The following RGS12 variants were observed in gnomAD, a reference collection of about 807,000 sequenced individuals.
RGS12 encodes regulator of G-protein signaling 12.
RGS12 carries 66 observed loss-of-function variants against 120.1 expected under a neutral mutation model. The observed-to-expected ratio is 0.55, with a 90% confidence interval of 0.45 to 0.67. RGS12 has a LOEUF of 0.67. Among genes scored for constraint, RGS12 ranks in the 30% least tolerant of loss-of-function variants. The pLI, the probability that RGS12 is intolerant of heterozygous loss-of-function variation, is 0.00. For missense variants in RGS12, 1,859 were observed against 1,957.7 expected, an observed-to-expected ratio of 0.95 and a Z score of 0.95; for synonymous variants, 827 against 804.7, an observed-to-expected ratio of 1.03 and a Z score of -0.47.
intron 3 of RGS12, among the ~76,000 whole-genome samples, chr4:3,375,886 A>G (rs1048570925): frequency 5.9e-5 from 9 of 152,220 alleles, no homozygotes; most frequent in African/African-American, 2.2e-4. Flanking sequence ...TGGCACTGAC[A>G]CATTGGAAAC....
At chr4:3,437,868 A>G (rs1276218713) in intron 17 of RGS12, among the ~76,000 whole-genome samples, 2 of 152,156 alleles carry the variant, frequency 1.3e-5, no homozygotes, top group Non-Finnish European at 2.9e-5. Context: ...GAGGGGAGTC[A>G]CACCTTCCGC....
intron 3 of RGS12, chr4:3,385,492 A>G (rs1193718264): frequency 1.3e-5 from 2 of 152,450 alleles, no homozygotes; most frequent in African/African-American, 2.4e-5. Context: ...TACCTGCCTG[A>G]CGGCTCTGCG....
intron 3 of RGS12, among the ~76,000 whole-genome samples, chr4:3,362,857 GT>G (rs1212736125): frequency 2.3e-5 from 3 of 127,792 alleles, no homozygotes; most frequent in African/African-American, 1.1e-4. Flanking sequence ...GTGAGGGTGT[GT>G]GTGTGCGAGG....
Position 3,414,821 on chromosome 4 carries a change from G to A in RGS12, c.2260G>A (p.Val754Ile), listed in dbSNP as rs142056044. Residue 754 changes from valine (V) to isoleucine (I), a missense_variant, in exon 6 of 18, where the codon GTT (valine) becomes ATT (isoleucine). Val to Ile is a conservative substitution (Grantham distance 29). Around this residue, in one of 3 missense-constraint regions of RGS12, gnomAD observed 375 missense variants for 475.0 expected, o/e 0.79. Transcript: ENST00000336727. ...FWQACEYFNHVPAHDKKELSY... is the reference protein window; with the variant it reads ...FWQACEYFNHIPAHDKKELSY... ...GCAGGCCTGTGAATATTTTAATCATGTTCCTGCACATGACAAAAAGGAGGT... is the reference window on the plus strand; with the variant it reads ...GCAGGCCTGTGAATATTTTAATCATATTCCTGCACATGACAAAAAGGAGGT... 2.5e-6 allele frequency: 4 copies of A among 1,613,380 alleles called. No individual in the cohort carries two copies. The highest frequency in any genetic ancestry group is 1.7e-5 in the Admixed American group (1 of 60,006).
chr4:3,396,512 T>C (rs1720060578), intron 4 of RGS12, among the ~76,000 whole-genome samples: 1 of 152,220 alleles, frequency 6.6e-6, no homozygotes, highest in South Asian at 2.1e-4. Flanking sequence ...TTGTCCCAGC[T>C]CCATGTAATG....
At chr4:3,356,182 A>AT (rs1218736136) in intron 3 of RGS12, among the ~76,000 whole-genome samples, 2 of 150,402 alleles carry the variant, frequency 1.3e-5, no homozygotes, top group Non-Finnish European at 2.9e-5. Flanking sequence ...GCCCCCTCAT[A>AT]TAGCTGGGAG....
intron 2 of RGS12, among the ~76,000 whole-genome samples, chr4:3,336,143 C>T (rs1471425054): frequency 6.6e-6 from 1 of 152,246 alleles, no homozygotes; most frequent in African/African-American, 2.4e-5. Context: ...GGCTGGAGCC[C>T]CATGTCCTGT....
rs1381498948 is a variant in RGS12 at position 3,374,577 on chromosome 4, T to G, written c.1999-11839T>G. On this transcript the variant is annotated intron_variant, in intron 3 of 17. Coordinates refer to ENST00000336727, the MANE Select transcript of RGS12 (RefSeq NM_001394154.1). This position sits in a 1 kb window ranked among gnomAD's most constrained non-coding sequence, Gnocchi z 6.3. ...ACTTGGATTCTCCCCTCGCCTCCAG[T>G]GTACCCCTCCCTCAGTCTGCCACAT... Among the ~76,000 whole-genome samples the G allele has an allele frequency of 6.6e-6, 1 of 151,990 alleles. No homozygotes were observed. The highest frequency in any genetic ancestry group is 1.5e-5 in the Non-Finnish European group (1 of 67,982).
intron 3 of RGS12, chr4:3,370,427 GT>G (rs1182015633): frequency 5.6e-6 from 6 of 1,070,036 alleles, no homozygotes; most frequent in Non-Finnish European, 7.2e-6. Flanking sequence ...GCAAATGCTT[GT>G]AAGGATAAGC....
At chr4:3,406,192 G>A (rs1384328734) in intron 4 of RGS12, among the ~76,000 whole-genome samples, 1 of 152,240 alleles carries the variant, frequency 6.6e-6, no homozygotes, top group East Asian at 1.9e-4. Context: ...CCAGAAAGGA[G>A]TGCAGAACTC....
chr4:3,313,797 A>G (rs1171104212), intron 1 of RGS12, among the ~76,000 whole-genome samples: 1 of 152,100 alleles, frequency 6.6e-6, no homozygotes, highest in Non-Finnish European at 1.5e-5. Context: ...CCAGGCTCAC[A>G]CAGGCGCACC....
rs1316649225 is a variant in RGS12 at position 3,390,720 on chromosome 4, CTT to C, written c.2020+4285_2020+4286del. Among the ~76,000 whole-genome samples, 1 of 152,196 alleles carries C rather than the reference CTT, an allele frequency of 6.6e-6. No individual in the cohort carries two copies. Among genetic ancestry groups the C allele is most frequent in the African/African-American group, 2.4e-5 (1 of 41,452 alleles). ...CAGGCCGATCTCTTGGGGCAAGTCACTTTCTCTCTCCTAGCCTTGTGTCTTCA... is the reference window on the plus strand; with the variant it reads ...CAGGCCGATCTCTTGGGGCAAGTCACTCTCTCTCCTAGCCTTGTGTCTTCA... On this transcript the variant is annotated intron_variant, in intron 4 of 17. Coordinates refer to ENST00000336727, the MANE Select transcript of RGS12 (RefSeq NM_001394154.1). The surrounding 1 kb of genome is among the most constrained non-coding windows in gnomAD (Gnocchi z 4.6).
chr4:3,328,322 A>G (rs1157362096), intron 2 of RGS12, among the ~76,000 whole-genome samples: 1 of 152,240 alleles, frequency 6.6e-6, no homozygotes, highest in Non-Finnish European at 1.5e-5. Context: ...CATAGACTGC[A>G]CAGACTTCAG....
At chr4:3,342,835 T>C in intron 2 of RGS12, 102 bp from the exon 3 acceptor site, 2 of 823,460 alleles carry the variant, frequency 2.4e-6, no homozygotes, top group East Asian at 2.4e-5. Context: ...AAAAAGTCTT[T>C]GTTCCACAGT....
In RGS12 at chr4:3,430,877, G is replaced by T. The variant is rs1416334371; in HGVS notation, c.4036G>T (p.Gly1346Trp). 1 of 1,612,440 alleles carries T rather than the reference G, an allele frequency of 6.2e-7. No homozygotes were observed. The highest frequency in any genetic ancestry group is 2.2e-5 in the East Asian group (1 of 44,880). Reference protein sequence around the residue: ...HVAELTLMGEGDISSPNSTLL... With the variant: ...HVAELTLMGEWDISSPNSTLL... ...GGCCGAGCTGACCCTGATGGGGGAG[G>T]GGGACATCAGCAGCCCCAACAGCAC... is the stretch of plus-strand genomic sequence containing the variant. The change falls in exon 17 of 18, where the codon GGG becomes TGG. Residue 1346 changes from glycine to tryptophan, a missense_variant. Physicochemically the swap from Gly to Trp is radical, Grantham distance 184. This residue lies in a region of RGS12 where 517 missense variants were observed against 488.5 expected (regional missense o/e 1.06). Transcript: ENST00000336727.
At chr4:3,410,287 T>C (rs1293314958) in intron 4 of RGS12, among the ~76,000 whole-genome samples, 1 of 152,250 alleles carries the variant, frequency 6.6e-6, no homozygotes, top group Admixed American at 6.5e-5. Flanking sequence ...TTTATTTTCA[T>C]TTTCTGTAGA....
intron 1 of RGS12, among the ~76,000 whole-genome samples, chr4:3,299,688 C>T (rs1356593537): frequency 6.6e-6 from 1 of 152,218 alleles, no homozygotes; most frequent in Non-Finnish European, 1.5e-5. Flanking sequence ...GAAAGTTCTT[C>T]CCCTACCAAC....
In RGS12 at chr4:3,366,093, G is replaced by C. The variant is rs892151355; in HGVS notation, c.1999-20323G>C. On this transcript the variant is annotated intron_variant, in intron 3 of 17. Coordinates refer to ENST00000336727, the MANE Select transcript of RGS12 (RefSeq NM_001394154.1). The surrounding 1 kb of genome is among the most constrained non-coding windows in gnomAD (Gnocchi z 4.0). ...GCCAGGCAGTGGTGGGACCTCATCTGGGGGGTGCTGGCCTGGGCAGCACCA... is the reference window on the plus strand; with the variant it reads ...GCCAGGCAGTGGTGGGACCTCATCTCGGGGGTGCTGGCCTGGGCAGCACCA... Among the ~76,000 whole-genome samples, 2 of 152,152 alleles carry C rather than the reference G, an allele frequency of 1.3e-5. No homozygotes were observed. Among genetic ancestry groups the C allele is most frequent in the Admixed American group, 6.5e-5 (1 of 15,276 alleles).
At chr4:3,357,055 G>GT in intron 3 of RGS12, among the ~76,000 whole-genome samples, 1 of 152,202 alleles carries the variant, frequency 6.6e-6, no homozygotes, top group East Asian at 1.9e-4. Context: ...AGCACTTTCT[G>GT]TTTTTTGATA....
Sources: gnomAD v4.1 joint callset for allele counts (sites outside exome capture counted in the v4.1 genomes callset) on GRCh38, gnomAD v4.1.1 for gene constraint, gnomAD v4.1.1 regional missense constraint, Gnocchi (gnomAD v3.1) non-coding constraint, MANE v1.5 for transcripts, NCBI Gene and HGNC (gene_info 2026-07-23, HGNC 2026-07-21) for gene names.